SUMF1: variants seen among roughly 807,000 people sequenced by gnomAD.
SUMF1 encodes the protein sulfatase modifying factor 1.
SUMF1 carries 48 observed loss-of-function variants against 47.6 expected under a neutral mutation model. The observed-to-expected ratio is 1.01, with a 90% CI of 0.80 to 1.28. SUMF1 has a LOEUF of 1.28. Among genes scored for constraint, SUMF1 ranks in the 50% most tolerant of loss-of-function variants. The pLI, the probability that SUMF1 is intolerant of heterozygous loss-of-function variation, is 0.00. For missense variants in SUMF1, 571 were observed against 485.4 expected, an observed-to-expected ratio of 1.18 and a Z score of -1.66; for synonymous variants, 230 against 192.1, an observed-to-expected ratio of 1.20 and a Z score of -1.63.
chr3:4,164,178 T>G (rs1694646533), intron 8 of SUMF1, among the ~76,000 whole-genome samples: 1 of 152,104 alleles, frequency 6.6e-6, no homozygotes, highest in Admixed American at 6.6e-5. Context: ...GTCTCCCAAT[T>G]ACAACTGAGG....
intron 7 of SUMF1, among the ~76,000 whole-genome samples, chr3:4,387,355 C>T (rs1017573594): frequency 2.6e-5 from 4 of 151,916 alleles, no homozygotes; most frequent in African/African-American, 4.8e-5. Context: ...TGTTGTTTCT[C>T]GCCTAAGTTG....
chr3:4,189,792 C>G (rs2587944), intron 8 of SUMF1, among the ~76,000 whole-genome samples: 112,343 of 151,936 alleles, frequency 0.74, 41,675 homozygotes, highest in Admixed American at 0.8. Context: ...CTTTGGATCA[C>G]TGCTGACACC....
In SUMF1 at chr3:4,267,894, C is replaced by G. The variant is rs1444520747; in HGVS notation, c.1014+108436G>C. ...AGCCATCCCATTACTGGGTATATAC[C>G]CAAAGGACTATAAATCATGCTGCTA... On this transcript the variant is annotated intron_variant and NMD_transcript_variant, in intron 8 of 12. Transcript: ENST00000448413. Among the ~76,000 whole-genome samples the G allele has an allele frequency of 2.0e-5, 3 of 149,304 alleles. No individual in the cohort carries two copies. The Admixed American group carries it at 2.0e-4, about 10-fold the overall frequency.
intron 7 of SUMF1, among the ~76,000 whole-genome samples, chr3:4,385,098 C>T (rs1700630499): frequency 6.6e-6 from 1 of 152,058 alleles, no homozygotes; most frequent in African/African-American, 2.4e-5. Context: ...GTTAGCCAGG[C>T]TGGTCTCGAA....
chr3:4,165,930 C>T (rs1352244914), intron 8 of SUMF1, among the ~76,000 whole-genome samples: 1 of 146,038 alleles, frequency 6.8e-6, no homozygotes, highest in Non-Finnish European at 1.5e-5. Context: ...GTTGTGCTCA[C>T]TGATGCAGTA....
At chr3:4,077,227 C>A (rs899197652) in intron 8 of SUMF1, among the ~76,000 whole-genome samples, 1 of 152,054 alleles carries the variant, frequency 6.6e-6, no homozygotes, top group Non-Finnish European at 1.5e-5. Flanking sequence ...ATTAGTTTAA[C>A]CATTGTGCAA....
chr3:4,400,657 G>A (rs1236100723), intron 7 of SUMF1, among the ~76,000 whole-genome samples: 2 of 152,270 alleles, frequency 1.3e-5, no homozygotes, highest in South Asian at 2.1e-4. Flanking sequence ...TGTGTGGTGG[G>A]CACAGTGAGT....
intron 8 of SUMF1, among the ~76,000 whole-genome samples, chr3:4,132,201 G>T (rs1693808471): frequency 6.6e-6 from 1 of 152,110 alleles, no homozygotes. Context: ...TACCATCCAT[G>T]GACTCACAGA....
chr3:4,306,196 A>G (rs1005697174), intron 8 of SUMF1, among the ~76,000 whole-genome samples: 4 of 152,154 alleles, frequency 2.6e-5, no homozygotes, highest in Non-Finnish European at 5.9e-5. Context: ...ATCTTGAGTC[A>G]TATTTTTCTT....
At chr3:4,301,255 C>T (rs1697957202) in intron 8 of SUMF1, among the ~76,000 whole-genome samples, 1 of 152,078 alleles carries the variant, frequency 6.6e-6, no homozygotes, top group Non-Finnish European at 1.5e-5. Context: ...GGCCCAGAGG[C>T]CCAAGTAGAA....
At chr3:4,185,872 C>T (rs181346930) in intron 8 of SUMF1, among the ~76,000 whole-genome samples, 30 of 152,220 alleles carry the variant, frequency 2.0e-4, no homozygotes, top group African/African-American at 7.2e-4. Flanking sequence ...GAATGTTCCT[C>T]CATGGAAAAA....
intron 8 of SUMF1, among the ~76,000 whole-genome samples, chr3:4,137,934 T>A (rs57223998): frequency 0.044 from 6,586 of 151,104 alleles, 419 homozygotes; most frequent in East Asian, 0.17. Flanking sequence ...CACACACACA[T>A]TATTAGAACT....
intron 8 of SUMF1, chr3:4,312,801 T>A: frequency 7.1e-7 from 1 of 1,401,754 alleles, no homozygotes; most frequent in Non-Finnish European, 9.6e-7. Context: ...TTTTTATATA[T>A]GTTAGAATTA....
chr3:4,369,559 C>T (rs1700105760), intron 8 of SUMF1, among the ~76,000 whole-genome samples: 1 of 152,176 alleles, frequency 6.6e-6, no homozygotes, highest in African/African-American at 2.4e-5. Flanking sequence ...GGGGGAGCTA[C>T]ACAGATGACA....
chr3:4,281,858 T>C lies in SUMF1; in HGVS notation c.1014+94472A>G, dbSNP rs73806977. On this transcript the variant is annotated intron_variant and NMD_transcript_variant, in intron 8 of 12. Coordinates refer to the SUMF1 transcript ENST00000448413. The stretch of plus-strand genomic sequence containing the variant: ...AATGAGACTCCTTAACACATATTTT[T>C]ATATTCTTTTGAGTTTTTAATCCAT... Among the ~76,000 whole-genome samples, 978 of 152,284 alleles carry C rather than the reference T, an allele frequency of 6.4e-3. 15 individuals are homozygous for C. The highest frequency in any genetic ancestry group is 0.023 in the African/African-American group (943 of 41,564).
At chr3:4,180,290 A>G (rs77359840) in intron 8 of SUMF1, among the ~76,000 whole-genome samples, 51,389 of 152,088 alleles carry the variant, frequency 0.34, 8,828 homozygotes, top group East Asian at 0.4. Flanking sequence ...GCTTGGAACC[A>G]ACCCAAATGT....
At chr3:4,412,080 G>A (rs529166383) in intron 6 of SUMF1, among the ~76,000 whole-genome samples, 1 of 152,308 alleles carries the variant, frequency 6.6e-6, no homozygotes, top group African/African-American at 2.4e-5. Context: ...ATCTGGATGA[G>A]TTGGAAAGCT....
chr3:4,175,537 G>T (rs1694939628), intron 8 of SUMF1, among the ~76,000 whole-genome samples: 1 of 152,144 alleles, frequency 6.6e-6, no homozygotes, highest in African/African-American at 2.4e-5. Context: ...ATCTGTAGGT[G>T]ACCAACATCA....
intron 8 of SUMF1, among the ~76,000 whole-genome samples, chr3:4,225,212 C>G (rs568493165): frequency 2.6e-5 from 4 of 152,132 alleles, no homozygotes; most frequent in Non-Finnish European, 5.9e-5. Context: ...AGAAAAACAT[C>G]TGCTGACAAT....
Sources: allele counts gnomAD v4.1 joint callset (sites outside exome capture counted in the v4.1 genomes callset), GRCh38; gene constraint gnomAD v4.1.1; transcripts MANE v1.5; gene names NCBI Gene and HGNC (gene_info 2026-07-23, HGNC 2026-07-21).